The following KCNK2 variants were observed in gnomAD, a reference collection of about 807,000 sequenced individuals.
The protein encoded by KCNK2 is potassium two pore domain channel subfamily K member 2.
In KCNK2, 21 loss-of-function variants were observed where a neutral mutation model predicts 40.5. The observed-to-expected ratio is 0.52, with a 90% confidence interval of 0.37 to 0.75. KCNK2 has a LOEUF of 0.75. KCNK2 is among the 30% of genes least tolerant of loss of function. The pLI, the probability that KCNK2 is intolerant of heterozygous loss-of-function variation, is 0.00. For synonymous variants in KCNK2, 191 were observed against 202.2 expected (o/e 0.94, Z 0.47); for missense variants, 399 against 531.6 (o/e 0.75, Z 2.45).
intron 6 of KCNK2, among the ~76,000 whole-genome samples, chr1:215,216,082 G>A (rs1665945592): frequency 6.6e-6 from 1 of 152,168 alleles, no homozygotes; most frequent in Non-Finnish European, 1.5e-5. Context: ...GTTTGGGAAA[G>A]GCAGCTGTGA....
intron 1 of KCNK2, among the ~76,000 whole-genome samples, chr1:215,010,341 TA>T (rs1656333044): frequency 1.3e-5 from 2 of 152,252 alleles, no homozygotes; most frequent in African/African-American, 4.8e-5. Context: ...AGCTTAACAT[TA>T]CGCATTCTGT....
intron 1 of KCNK2, among the ~76,000 whole-genome samples, chr1:215,027,919 C>T (rs1657052338): frequency 6.6e-6 from 1 of 152,146 alleles, no homozygotes; most frequent in African/African-American, 2.4e-5. Flanking sequence ...TCCTTTCCCA[C>T]TAGCATTTAA....
At chr1:215,056,615 CTTTTT>C (rs34925678) in intron 1 of KCNK2, among the ~76,000 whole-genome samples, 2 of 103,984 alleles carry the variant, frequency 1.9e-5, no homozygotes, top group Admixed American at 1.3e-4. Flanking sequence ...TGTGTCCACT[CTTTTT>C]TTTTTTTTTT....
At chr1:215,058,819 C>T (rs10779636) in intron 1 of KCNK2, among the ~76,000 whole-genome samples, 75,780 of 151,782 alleles carry the variant, frequency 0.5, 19,571 homozygotes, top group Middle Eastern at 0.74. Flanking sequence ...CCTTTAGGGC[C>T]TTTTGAATGC....
intron 5 of KCNK2, among the ~76,000 whole-genome samples, chr1:215,185,948 A>G (rs1204736590): frequency 6.6e-6 from 1 of 152,236 alleles, no homozygotes; most frequent in Admixed American, 6.5e-5. Context: ...TATTTTGGAA[A>G]GTGATTTATA....
chr1:215,081,280 A>C (rs1659146436), upstream of KCNK2, among the ~76,000 whole-genome samples: 1 of 152,010 alleles, frequency 6.6e-6, no homozygotes, highest in Non-Finnish European at 1.5e-5. Flanking sequence ...GTGTGCACTG[A>C]GGGAAGGTAA....
chr1:215,191,576 A>C (rs1013964279), intron 5 of KCNK2, among the ~76,000 whole-genome samples: 1 of 152,122 alleles, frequency 6.6e-6, no homozygotes, highest in Non-Finnish European at 1.5e-5. Flanking sequence ...ATCCGGAGAG[A>C]GATTACACCA....
chr1:215,076,890 A>T (rs72735329), intron 1 of KCNK2, among the ~76,000 whole-genome samples: 21,206 of 152,100 alleles, frequency 0.14, 2,089 homozygotes, highest in South Asian at 0.42. Context: ...TCTCAACACT[A>T]ACTGGCTTAA....
At chr1:215,221,596 C>G (rs533589467) in intron 6 of KCNK2, among the ~76,000 whole-genome samples, 1 of 151,898 alleles carries the variant, frequency 6.6e-6, no homozygotes, top group Non-Finnish European at 1.5e-5. Flanking sequence ...ACCATCATAA[C>G]GGCCTTCATC....
At chr1:215,059,830 G>T (rs1658307677) in intron 1 of KCNK2, among the ~76,000 whole-genome samples, 1 of 152,180 alleles carries the variant, frequency 6.6e-6, no homozygotes, top group Non-Finnish European at 1.5e-5. Context: ...CTCTCCTCTG[G>T]TCTGAACCCC....
chr1:215,078,366 G>A (rs182279476), upstream of KCNK2, among the ~76,000 whole-genome samples: 1 of 152,312 alleles, frequency 6.6e-6, no homozygotes, highest in East Asian at 1.9e-4. Flanking sequence ...ACAATGCTAT[G>A]AAGAAATGTC....
chr1:215,160,967 C>A (rs1331191325), intron 3 of KCNK2, among the ~76,000 whole-genome samples: 1 of 152,114 alleles, frequency 6.6e-6, no homozygotes, highest in Non-Finnish European at 1.5e-5. Context: ...ACCCTGGTAT[C>A]CCCCAGACCT....
chr1:215,093,896 AAT>A (rs1425335858), intron 2 of KCNK2, among the ~76,000 whole-genome samples: 1 of 108,160 alleles, frequency 9.2e-6, no homozygotes, highest in African/African-American at 3.6e-5. Flanking sequence ...TATATATAAA[AAT>A]ATATTATATA....
chr1:215,007,185 GTATATATA>G (rs1162302568), intron 1 of KCNK2, among the ~76,000 whole-genome samples: 1,458 of 30,758 alleles, frequency 0.047, 32 homozygotes, highest in African/African-American at 0.12. Context: ...ATGTGTGTGG[GTATATATA>G]TATATATATA....
At chr1:215,185,671 G>A (rs4440833) in intron 5 of KCNK2, among the ~76,000 whole-genome samples, 83,941 of 151,998 alleles carry the variant, frequency 0.55, 25,668 homozygotes, top group Non-Finnish European at 0.68. Flanking sequence ...CAGTGTTCTC[G>A]CTTAATTTTG....
chr1:215,177,977 C>G (rs1350243042), intron 5 of KCNK2, among the ~76,000 whole-genome samples: 1 of 151,640 alleles, frequency 6.6e-6, no homozygotes. Context: ...CAGTATGGTA[C>G]TTTTAAAAAT....
chr1:215,235,234 T>C lies in KCNK2; in HGVS notation c.*89T>C. The C allele has an allele frequency of 9.0e-7, 1 of 1,115,834 alleles. No individual in the cohort carries two copies. The highest frequency in any genetic ancestry group is 1.5e-5 in the South Asian group (1 of 64,770). The allele number at this position is 1,115,834 out of a possible 1,614,324, so 69.1% of individuals were successfully genotyped here. A position where few individuals can be genotyped will look rare whatever the true frequency, so the allele number is the denominator to read the frequency against. ...GTTGCTGGTAGCATTTTTTAAATTG[T>C]GCATGAGCTCAAAGGGGGAACAAAA... On this transcript the variant is annotated 3_prime_UTR_variant, in exon 7 of 7. Transcript: ENST00000444842.
chr1:215,166,734 C>T (rs1663463859), intron 3 of KCNK2, among the ~76,000 whole-genome samples: 1 of 152,088 alleles, frequency 6.6e-6, no homozygotes, highest in Non-Finnish European at 1.5e-5. Context: ...CCAGAAAAAT[C>T]ATGGTTCCCA....
At chr1:215,210,108 A>C (rs904604639) in intron 6 of KCNK2, among the ~76,000 whole-genome samples, 1 of 72,058 alleles carries the variant, frequency 1.4e-5, no homozygotes, top group Admixed American at 1.9e-4. Flanking sequence ...TATATGTACT[A>C]TACATACTAT....
Sources: allele counts gnomAD v4.1 joint callset (sites outside exome capture counted in the v4.1 genomes callset), GRCh38; gene constraint gnomAD v4.1.1; transcripts MANE v1.5; gene names NCBI Gene and HGNC (gene_info 2026-07-23, HGNC 2026-07-21).